The following GSDMB variants were observed in gnomAD, a reference collection of about 807,000 sequenced individuals.
GSDMB encodes gasdermin B.
A neutral mutation model predicts 42.9 loss-of-function variants in GSDMB; 32 were observed. That is an observed-to-expected ratio of 0.75 (90% CI 0.56 to 1.00). GSDMB has a LOEUF of 1.00. GSDMB is among the 50% of genes least tolerant of loss of function. The pLI is 0.00. For missense variants in GSDMB, 468 were observed against 498.5 expected (o/e 0.94, Z 0.58); for synonymous variants, 175 against 193.7 (o/e 0.90, Z 0.80).
intron 2 of GSDMB, 32 bp from the exon 3 acceptor site, chr17:39,912,529 G>A (rs1226913806): frequency 2.6e-6 from 4 of 1,566,512 alleles, no homozygotes; most frequent in Non-Finnish European, 3.5e-6. Context: ...TCACTCTGGA[G>A]CAGACCCCCA....
At chr17:39,911,185 TG>T (rs1387647207) in intron 3 of GSDMB, among the ~76,000 whole-genome samples, 1 of 151,932 alleles carries the variant, frequency 6.6e-6, no homozygotes, top group African/African-American at 2.4e-5. Context: ...TAGCTAGGCG[TG>T]GTGGCGGGCA....
chr17:39,905,065 G>C (rs528056092), intron 10 of GSDMB, 101 bp from the exon 11 acceptor site: 5 of 949,138 alleles, frequency 5.3e-6, no homozygotes, highest in Non-Finnish European at 5.0e-6. Context: ...ATAGGCAGAC[G>C]TAATAATCCA....
At position 39,904,657 on chromosome 17, in the gene GSDMB, G is replaced by T; in HGVS notation, c.*155C>A. 1.7e-6 allele frequency: 1 copy of T among 584,198 alleles called. No individual in the cohort carries two copies. The allele number at this position is 584,198 out of a possible 1,614,324, so 36.2% of individuals were successfully genotyped here. A position where few individuals can be genotyped will look rare whatever the true frequency, so the allele number is the denominator to read the frequency against. Reference sequence around the variant, plus strand: ...ATGTATGAAATCCAGGCTGGTTTTGGATGTTAACATGGAGCGAATGGGATA... The same window carrying T: ...ATGTATGAAATCCAGGCTGGTTTTGTATGTTAACATGGAGCGAATGGGATA... On this transcript the variant is annotated 3_prime_UTR_variant, in exon 11 of 11. Coordinates refer to ENST00000418519, the MANE Select transcript of GSDMB (RefSeq NM_001165958.2).
chr17:39,906,171 C>A lies in GSDMB; in HGVS notation c.828G>T (p.Val276=). The change falls in exon 8 of 11, where the codon GTG becomes GTT. Residue 276 remains valine, a synonymous_variant. Transcript: ENST00000418519. ...CGAGGCACTTAGCGAGGGAGTTTAG[C>A]ACATCTTTTCTCTTCTCCTCTGTCA... ...KDLTEEKRKD[V]LNSLAKCLGK... is the part of the protein sequence containing the mutation. The A allele has an allele frequency of 6.2e-7, 1 of 1,614,166 alleles. No homozygotes were observed. Among genetic ancestry groups the A allele is most frequent in the South Asian group, 1.1e-5 (1 of 91,084 alleles).
chr17:39,906,304 C>T (rs1197672259), intron 7 of GSDMB, 33 bp from the exon 8 acceptor site: 1 of 1,609,172 alleles, frequency 6.2e-7, no homozygotes, highest in Non-Finnish European at 8.5e-7. Flanking sequence ...CCTGGGCCAC[C>T]CAGCCCAAAA....
rs763447425 is a variant in GSDMB, at chr17:39,912,441, C to A, written c.292G>T (p.Val98Leu). 2.0e-5 allele frequency: 32 copies of A among 1,611,410 alleles called. No individual in the cohort carries two copies. The highest frequency in any genetic ancestry group is 1.7e-5 in the Admixed American group (1 of 59,996). The change falls in exon 3 of 11, where the codon GTG (valine) becomes TTG (leucine). Residue 98 changes from valine to leucine, a missense_variant. Val to Leu is a conservative substitution (Grantham distance 32, BLOSUM62 1). Coordinates refer to ENST00000418519, the MANE Select transcript of GSDMB (RefSeq NM_001165958.2). ...ATTGTTATTTCTTTGGGTAATCTCA[C>A]TATCAACTCTCCCGTTGAGTCTACA... ...DNVDSTGELI[V>L]RLPKEITISG...
chr17:39,916,990 AT>A lies in GSDMB; in HGVS notation c.235+91del, dbSNP rs1205848735. ...TACAAATCCCACAGTTTCGTTGTTG[AT>A]TGGTTGATAACAATGGGGAATTGAG... On this transcript the variant is annotated intron_variant, in intron 2 of 10. Transcript: ENST00000418519. 6 of 810,362 alleles carry A rather than the reference AT, an allele frequency of 7.4e-6. No homozygotes were observed. The Admixed American group carries it at 7.7e-5, about 10-fold the overall frequency. The allele number at this position is 810,362 out of a possible 1,614,324, so 50.2% of individuals were successfully genotyped here. A position where few individuals can be genotyped will look rare whatever the true frequency, so the allele number is the denominator to read the frequency against.
At position 39,908,040 on chromosome 17, in the gene GSDMB, C is replaced by T. The variant is rs1252371664; in HGVS notation, c.700+136G>A. 3 of 657,624 alleles carry T rather than the reference C, an allele frequency of 4.6e-6. No individual in the cohort carries two copies. The African/African-American group carries it at 5.4e-5, about 12-fold the overall frequency. 40.7% of individuals were successfully genotyped at this position (657,624 alleles called of 1,614,324 possible). Reference sequence around the variant, plus strand: ...ACTCTTCAACAGGCTAATTTTTCCCCTGCGCTTGCCATGGTTCCCACCTGT... The same window carrying T: ...ACTCTTCAACAGGCTAATTTTTCCCTTGCGCTTGCCATGGTTCCCACCTGT... On this transcript the variant is annotated intron_variant, in intron 6 of 10. Transcript: ENST00000418519.
intron 2 of GSDMB, among the ~76,000 whole-genome samples, chr17:39,916,463 T>A (rs2063713522): frequency 6.6e-6 from 1 of 151,624 alleles, no homozygotes; most frequent in Non-Finnish European, 1.5e-5. Flanking sequence ...TTTGTATTTT[T>A]TTTTTTTAAG....
Position 39,912,450 on chromosome 17 carries a change from C to G in GSDMB, c.283G>C (p.Glu95Gln). 6.2e-7 allele frequency: 1 copy of G among 1,611,674 alleles called. No individual in the cohort carries two copies. Among genetic ancestry groups the G allele is most frequent in the South Asian group, 1.1e-5 (1 of 91,052 alleles). ...TCTTTGGGTAATCTCACTATCAACT[C>G]TCCCGTTGAGTCTACATTATCCAGA... ...QILDNVDSTG[E>Q]LIVRLPKEIT... The change falls in exon 3 of 11, where the codon GAG becomes CAG. Residue 95 changes from glutamate to glutamine, a missense_variant. By Grantham distance (29) the Glu-to-Gln change is conservative. Transcript: ENST00000418519.
intron 3 of GSDMB, among the ~76,000 whole-genome samples, chr17:39,910,395 G>C (rs370567533): frequency 7.2e-4 from 109 of 152,340 alleles, no homozygotes; most frequent in Middle Eastern, 3.4e-3. Context: ...TGTGCCAGCT[G>C]TGAGCCACGC....
At chr17:39,906,861 T>C in intron 7 of GSDMB, 100 bp downstream of exon 7, 1 of 1,589,068 alleles carries the variant, frequency 6.3e-7, no homozygotes, top group African/African-American at 1.3e-5. Context: ...CCCGACTTCC[T>C]ACCCACTCAG....
Position 39,906,275 on chromosome 17 carries a change from T to G in GSDMB, c.728-4A>C. On this transcript the variant is annotated splice_region_variant and splice_polypyrimidine_tract_variant and intron_variant, in intron 7 of 10. Coordinates refer to ENST00000418519, the MANE Select transcript of GSDMB (RefSeq NM_001165958.2). The stretch of plus-strand genomic sequence containing the variant: ...TCCTCCGAACCCAAAGACTTTCCTG[T>G]AGAGGCAGCAATTGAGAACCTGGGC... 1 of 1,613,926 alleles carries G rather than the reference T, an allele frequency of 6.2e-7. No individual in the cohort carries two copies. The highest frequency in any genetic ancestry group is 8.5e-7 in the Non-Finnish European group (1 of 1,179,902).
rs2144667388 is a variant in GSDMB at position 39,905,419 on chromosome 17, G to A, written c.1098+7C>T. On this transcript the variant is annotated splice_region_variant and intron_variant, in intron 10 of 10. Transcript: ENST00000418519. ...ATGACCATGGCCCTCAGCCCAGGCT[G>A]TCTCACCTGGTCCTTCAACAGAGGA... 2 of 1,590,648 alleles carry A rather than the reference G, an allele frequency of 1.3e-6. No homozygotes were observed. Among genetic ancestry groups the A allele is most frequent in the Non-Finnish European group, 8.6e-7 (1 of 1,164,422 alleles).
Position 39,912,516 on chromosome 17 carries a change from A to C in GSDMB, c.236-19T>G. On this transcript the variant is annotated intron_variant, in intron 2 of 10. Coordinates refer to ENST00000418519, the MANE Select transcript of GSDMB (RefSeq NM_001165958.2). The stretch of plus-strand genomic sequence containing the variant: ...TTTTGACCTGGAAAGAGAATGATAA[A>C]GGTCACTCTGGAGCAGACCCCCAAA... 2 of 1,600,658 alleles carry C rather than the reference A, an allele frequency of 1.2e-6. No homozygotes were observed. The highest frequency in any genetic ancestry group is 1.7e-6 in the Non-Finnish European group (2 of 1,167,860).
intron 7 of GSDMB, 67 bp downstream of exon 7, chr17:39,906,894 C>T: frequency 6.2e-7 from 1 of 1,611,600 alleles, no homozygotes; most frequent in Non-Finnish European, 8.5e-7. Context: ...GAGCAGCAGT[C>T]TTGAGCCACA....
intron 2 of GSDMB, among the ~76,000 whole-genome samples, chr17:39,914,347 C>G (rs1009554065): frequency 1.3e-5 from 2 of 152,124 alleles, no homozygotes; most frequent in African/African-American, 4.8e-5. Flanking sequence ...AAGATTATCC[C>G]AAACAGGTAA....
At chr17:39,913,737 C>A (rs929480062) in intron 2 of GSDMB, among the ~76,000 whole-genome samples, 3 of 152,180 alleles carry the variant, frequency 2.0e-5, no homozygotes, top group Admixed American at 2.0e-4. Context: ...TAATAAGGGC[C>A]TTGGTTCTGA....
intron 7 of GSDMB, 103 bp downstream of exon 7, chr17:39,906,858 T>A: frequency 3.2e-6 from 5 of 1,586,398 alleles, no homozygotes; most frequent in Non-Finnish European, 4.3e-6. Flanking sequence ...CCTCCCGACT[T>A]CCTACCCACT....
Sources: gnomAD v4.1 joint callset for allele counts (sites outside exome capture counted in the v4.1 genomes callset) on GRCh38, gnomAD v4.1.1 for gene constraint, MANE v1.5 for transcripts, NCBI Gene and HGNC (gene_info 2026-07-23, HGNC 2026-07-21) for gene names.